Variants in CCAR1 observed in about 807,000 individuals in gnomAD.
CCAR1 encodes the protein cell division cycle and apoptosis regulator protein 1.
Under a neutral mutation model 163.8 loss-of-function variants are expected in CCAR1, and 78 were observed. The ratio of observed to expected loss-of-function variants is 0.48; its 90% CI spans 0.40 to 0.57. CCAR1 has a LOEUF of 0.57. Ranked by LOEUF, CCAR1 falls within the 20% of genes least tolerant of loss-of-function variation. The pLI is 0.00. For synonymous variants in CCAR1, 443 were observed against 460.7 expected, an observed-to-expected ratio of 0.96 and a Z score of 0.49; for missense variants, 1,019 against 1,365.2, an observed-to-expected ratio of 0.75 and a Z score of 4.00.
At chr10:68,761,803 T>A (rs571368120) in intron 16 of CCAR1, among the ~76,000 whole-genome samples, 1 of 151,246 alleles carries the variant, frequency 6.6e-6, no homozygotes, top group Non-Finnish European at 1.5e-5. Context: ...TGTTTTTCCA[T>A]GTTGGTCAGG....
intron 19 of CCAR1, among the ~76,000 whole-genome samples, chr10:68,777,988 A>G (rs910349937): frequency 2.0e-5 from 3 of 152,306 alleles, no homozygotes; most frequent in South Asian, 4.1e-4. Context: ...TGGGAGGCCA[A>G]GGCAGGCGGA....
chr10:68,777,432 G>A (rs1245400355), intron 19 of CCAR1, among the ~76,000 whole-genome samples: 1 of 152,182 alleles, frequency 6.6e-6, no homozygotes, highest in Non-Finnish European at 1.5e-5. Context: ...TGTAATCTCA[G>A]CACTTTGTGG....
In CCAR1 at chr10:68,747,159, A is replaced by C; in HGVS notation, c.519-2A>C. On this transcript the variant is annotated splice_acceptor_variant, in intron 6 of 24. Coordinates refer to ENST00000265872, the MANE Select transcript of CCAR1 (RefSeq NM_018237.4). LOFTEE classifies it high-confidence loss of function. Reference sequence around the variant, plus strand: ...ACTTTTTTTTTCTTTTTTTTTTTACAGTGCTGTCAAAGGGAAAACCCCCCA... The same window carrying C: ...ACTTTTTTTTTCTTTTTTTTTTTACCGTGCTGTCAAAGGGAAAACCCCCCA... The C allele has an allele frequency of 1.4e-6, 2 of 1,450,388 alleles. No homozygotes were observed. Among genetic ancestry groups the C allele is most frequent in the Non-Finnish European group, 1.9e-6 (2 of 1,066,994 alleles). 89.8% of individuals were successfully genotyped at this position (1,450,388 alleles called of 1,614,324 possible).
chr10:68,769,591 G>T (rs1175679540), intron 17 of CCAR1, among the ~76,000 whole-genome samples: 1 of 152,034 alleles, frequency 6.6e-6, no homozygotes, highest in African/African-American at 2.4e-5. Context: ...TTGCACTCCA[G>T]CCTGAGCAAC....
chr10:68,760,369 A>G (rs1421597923), intron 15 of CCAR1, among the ~76,000 whole-genome samples: 1 of 152,134 alleles, frequency 6.6e-6, no homozygotes, highest in Non-Finnish European at 1.5e-5. Flanking sequence ...AAGTAAATCT[A>G]TAGTTTTGTG....
intron 2 of CCAR1, among the ~76,000 whole-genome samples, chr10:68,725,373 G>C (rs976286601): frequency 6.0e-5 from 9 of 150,308 alleles, no homozygotes; most frequent in Non-Finnish European, 1.2e-4. Flanking sequence ...ACTCCAGCCT[G>C]AGCAGCAGAG....
chr10:68,751,431 A>G (rs2056329036), intron 10 of CCAR1, among the ~76,000 whole-genome samples: 1 of 152,130 alleles, frequency 6.6e-6, no homozygotes, highest in African/African-American at 2.4e-5. Context: ...TCGAAACCAA[A>G]ACCACTTTTC....
At chr10:68,743,717 ATTATTTATTTGTTTGTTTATTTAT>A (rs1360305398) in intron 6 of CCAR1, among the ~76,000 whole-genome samples, 1 of 143,558 alleles carries the variant, frequency 7.0e-6, no homozygotes, top group Non-Finnish European at 1.5e-5. Flanking sequence ...TAATTTTTGT[ATTATTTATTTGTTTGTTTATTTAT>A]TTATTTATTT....
At chr10:68,770,647 G>A (rs1161432501) in intron 17 of CCAR1, among the ~76,000 whole-genome samples, 1 of 152,170 alleles carries the variant, frequency 6.6e-6, no homozygotes, top group Non-Finnish European at 1.5e-5. Flanking sequence ...GGAGACTGAG[G>A]CAGGTGAATG....
intron 6 of CCAR1, among the ~76,000 whole-genome samples, chr10:68,744,644 CTT>C (rs1044837025): frequency 1.3e-5 from 2 of 151,920 alleles, no homozygotes; most frequent in African/African-American, 4.8e-5. Flanking sequence ...TGTTTTTTAT[CTT>C]TTTTGCATTC....
Position 68,754,699 on chromosome 10 carries a change from AT to A in CCAR1, c.1345-12del. 1 of 1,344,522 alleles carries A rather than the reference AT, an allele frequency of 7.4e-7. No homozygotes were observed. Among genetic ancestry groups the A allele is most frequent in the Non-Finnish European group, 1.1e-6 (1 of 943,384 alleles). The allele number at this position is 1,344,522 out of a possible 1,614,324, so 83.3% of individuals were successfully genotyped here. On this transcript the variant is annotated splice_polypyrimidine_tract_variant and intron_variant, in intron 11 of 24. Coordinates refer to ENST00000265872, the MANE Select transcript of CCAR1 (RefSeq NM_018237.4). ...TTTAGACTTTTGACAGGATTGAATT[AT>A]TTGACTATAATAGGTAATGCTGATG...
In CCAR1 at chr10:68,788,673, T is replaced by C. The variant is rs7900041; in HGVS notation, c.3187+345T>C. Reference sequence around the variant, plus strand: ...CTATTTTTTGTATTTTTAGTAGAAATGGGGTTTCACCATGTTGGCCAGGAT... The same window carrying C: ...CTATTTTTTGTATTTTTAGTAGAAACGGGGTTTCACCATGTTGGCCAGGAT... On this transcript the variant is annotated intron_variant, in intron 23 of 24. Transcript: ENST00000265872. Among the ~76,000 whole-genome samples, 440 of 151,882 alleles carry C rather than the reference T, an allele frequency of 2.9e-3. 3 individuals carry two copies. Among genetic ancestry groups the C allele is most frequent in the African/African-American group, 9.9e-3 (410 of 41,446 alleles).
At chr10:68,738,008 G>A in intron 4 of CCAR1, 119 bp downstream of exon 4, 2 of 651,448 alleles carry the variant, frequency 3.1e-6, no homozygotes. Context: ...AATTTTTTGG[G>A]AGGGGCTAGA....
At chr10:68,785,804 C>T (rs1448350981) in intron 19 of CCAR1, among the ~76,000 whole-genome samples, 2 of 152,160 alleles carry the variant, frequency 1.3e-5, no homozygotes, top group East Asian at 1.9e-4. Flanking sequence ...CATTAGTCTG[C>T]TTTTTGTTTC....
chr10:68,752,373 A>G (rs1305390152), intron 10 of CCAR1, among the ~76,000 whole-genome samples: 2 of 152,182 alleles, frequency 1.3e-5, no homozygotes, highest in Non-Finnish European at 2.9e-5. Context: ...CTTCGTGCCC[A>G]TGAAATGATT....
chr10:68,771,923 T>G (rs551334479), intron 18 of CCAR1, among the ~76,000 whole-genome samples: 2 of 152,146 alleles, frequency 1.3e-5, no homozygotes, highest in South Asian at 4.2e-4. Flanking sequence ...CTTGCTGAAG[T>G]GCAGTGGCGT....
Position 68,756,470 on chromosome 10 carries a change from C to T in CCAR1, c.1823C>T (p.Ala608Val). 6.2e-7 allele frequency: 1 copy of T among 1,610,054 alleles called. No individual in the cohort carries two copies. Among genetic ancestry groups the T allele is most frequent in the Non-Finnish European group, 8.5e-7 (1 of 1,177,954 alleles). ...VEKLQGERKE[A>V]DGEQDEEEKD... ...AAGCTTCAGGGTGAACGCAAGGAGG[C>T]TGATGGAGAACAGGCACTGAACGCT... Residue 608 changes from alanine to valine, a missense_variant, in exon 14 of 25, where the codon GCT becomes GTT. Ala to Val is a moderately conservative substitution (Grantham distance 64). This residue lies in a region of CCAR1 where 644 missense variants were observed against 904.4 expected (regional missense o/e 0.71). Coordinates refer to ENST00000265872, the MANE Select transcript of CCAR1 (RefSeq NM_018237.4). The surrounding 1 kb of genome is among the most constrained non-coding windows in gnomAD (Gnocchi z 5.1).
intron 10 of CCAR1, 98 bp from the exon 11 acceptor site, chr10:68,753,754 A>T: frequency 1.2e-6 from 1 of 866,816 alleles, no homozygotes; most frequent in Admixed American, 2.3e-5. Flanking sequence ...TTTTCAGCTT[A>T]CTTTTTACTA....
Position 68,722,549 on chromosome 10 carries a change from G to T in CCAR1, c.45G>T (p.Gln15His). 1 of 1,613,858 alleles carries T rather than the reference G, an allele frequency of 6.2e-7. No homozygotes were observed. Among genetic ancestry groups the T allele is most frequent in the Non-Finnish European group, 8.5e-7 (1 of 1,179,794 alleles). ...GGQKNPPWAT[Q>H]FTATAVSQPA... ...AGAAGAATCCGCCATGGGCTACTCAGTTTACAGCCACTGCAGTATCACAGC... is the reference window on the plus strand; with the variant it reads ...AGAAGAATCCGCCATGGGCTACTCATTTTACAGCCACTGCAGTATCACAGC... The change falls in exon 2 of 25, where the codon CAG becomes CAT. Residue 15 changes from glutamine to histidine, a missense_variant. Gln to His is a conservative substitution (Grantham distance 24, BLOSUM62 0). Around this residue, in one of 4 missense-constraint regions of CCAR1, gnomAD observed 644 missense variants for 904.4 expected, o/e 0.71. Coordinates refer to ENST00000265872, the MANE Select transcript of CCAR1 (RefSeq NM_018237.4).
Sources: gnomAD v4.1 joint callset for allele counts (sites outside exome capture counted in the v4.1 genomes callset) on GRCh38, gnomAD v4.1.1 for gene constraint, gnomAD v4.1.1 regional missense constraint, Gnocchi (gnomAD v3.1) non-coding constraint, MANE v1.5 for transcripts, NCBI Gene and HGNC (gene_info 2026-07-23, HGNC 2026-07-21) for gene names.